Variants in TMEM132B observed in about 807,000 individuals in gnomAD.
The protein encoded by TMEM132B is transmembrane protein 132B.
TMEM132B carries 18 observed loss-of-function variants against 90.8 expected under a neutral mutation model. The observed-to-expected ratio is 0.20, with a 90% CI of 0.14 to 0.29. TMEM132B has a LOEUF of 0.29. TMEM132B is among the 10% of genes least tolerant of loss of function. The pLI is 1.00. For missense variants in TMEM132B, 1,096 were observed against 1,326.8 expected, an observed-to-expected ratio of 0.83 and a Z score of 2.70; for synonymous variants, 504 against 523.3, an observed-to-expected ratio of 0.96 and a Z score of 0.50.
At chr12:125,398,979 T>C (rs1053129290) in intron 2 of TMEM132B, among the ~76,000 whole-genome samples, 5 of 152,202 alleles carry the variant, frequency 3.3e-5, no homozygotes, top group Non-Finnish European at 1.5e-5. Flanking sequence ...GTGGTATGGC[T>C]GAGAGCCCTG....
intron 2 of TMEM132B, among the ~76,000 whole-genome samples, chr12:125,398,428 A>G (rs1345610936): frequency 6.6e-6 from 1 of 152,246 alleles, no homozygotes; most frequent in Non-Finnish European, 1.5e-5. Flanking sequence ...AAGTCTTTTC[A>G]TTTCCTTCTA....
rs10846903 is a variant in TMEM132B at position 125,498,547 on chromosome 12, A to G, written c.1107-20892A>G. On this transcript the variant is annotated intron_variant, in intron 3 of 8. Coordinates refer to ENST00000682704, the MANE Select transcript of TMEM132B (RefSeq NM_001366854.1). The surrounding 1 kb of genome is among the most constrained non-coding windows in gnomAD (Gnocchi z 4.5). ...ATTACATAATAGGACATTGCAGTCC[A>G]TGTGCCACGTCTTGTTAGCCTGTGT... Among the ~76,000 whole-genome samples the G allele has an allele frequency of 6.6e-6, 1 of 151,998 alleles. No homozygotes were observed. The highest frequency in any genetic ancestry group is 2.4e-5 in the African/African-American group (1 of 41,370).
Position 125,544,683 on chromosome 12 carries a change from C to A in TMEM132B, c.1293+25058C>A, listed in dbSNP as rs142632013. ...CTCTATGCCATTTTCTACACCTGTC[C>A]CGCAGTCAATGCAAGATGGCAAGAA... is the stretch of plus-strand genomic sequence containing the variant. On this transcript the variant is annotated intron_variant, in intron 4 of 8. Coordinates refer to ENST00000682704, the MANE Select transcript of TMEM132B (RefSeq NM_001366854.1). 4.0e-3 allele frequency among the ~76,000 whole-genome samples: 612 copies of A among 152,234 alleles called. 5 individuals carry two copies. Among genetic ancestry groups the A allele is most frequent in the African/African-American group, 0.014 (580 of 41,512 alleles).
At position 125,657,368 on chromosome 12, in the gene TMEM132B, T is replaced by TGTGTGTGTGTGTGA. The variant is rs1171554455; in HGVS notation, c.*2659_*2660insTGTGTGTGTGTGAG. 2.0e-5 allele frequency: 3 copies of TGTGTGTGTGTGTGA among 151,272 alleles called. No individual in the cohort carries two copies. The highest frequency in any genetic ancestry group is 7.3e-5 in the African/African-American group (3 of 41,006). The allele number at this position is 151,272 out of a possible 1,614,324, so 9.4% of individuals were successfully genotyped here. On this transcript the variant is annotated 3_prime_UTR_variant, in exon 9 of 9. Transcript: ENST00000682704. ...GTGTGTGTGTGTGTGTGTGTGTGTGTGAATACTGAAGAGCCAGACAACAAA... is the reference window on the plus strand; with the variant it reads ...GTGTGTGTGTGTGTGTGTGTGTGTGTGTGTGTGTGTGTGAGAATACTGAAGAGCCAGACAACAAA...
At chr12:125,308,442 C>T (rs566276872) in intron 1 of TMEM132B, among the ~76,000 whole-genome samples, 1 of 152,148 alleles carries the variant, frequency 6.6e-6, no homozygotes, top group African/African-American at 2.4e-5. Flanking sequence ...ATGAGCAATG[C>T]TTGGCTAATA....
chr12:125,302,232 G>T (rs1403251998), intron 1 of TMEM132B, among the ~76,000 whole-genome samples: 1 of 151,964 alleles, frequency 6.6e-6, no homozygotes, highest in Non-Finnish European at 1.5e-5. Context: ...AGGCATGGTG[G>T]TGCTCTCCTG....
At chr12:125,605,868 A>G (rs572141025) in intron 5 of TMEM132B, among the ~76,000 whole-genome samples, 1 of 152,318 alleles carries the variant, frequency 6.6e-6, no homozygotes, top group Non-Finnish European at 1.5e-5. Context: ...TTTTGTATTG[A>G]GAAGATGAAC....
chr12:125,368,449 T>C (rs775968906), intron 2 of TMEM132B, among the ~76,000 whole-genome samples: 4 of 152,262 alleles, frequency 2.6e-5, no homozygotes, highest in Non-Finnish European at 5.9e-5. Flanking sequence ...ATAAGAATTT[T>C]GTGGGGTGTC....
At position 125,556,877 on chromosome 12, in the gene TMEM132B, C is replaced by G. The variant is rs545269679; in HGVS notation, c.1294-26974C>G. 5.8e-3 allele frequency among the ~76,000 whole-genome samples: 888 copies of G among 152,278 alleles called. 16 individuals are homozygous for G. Among genetic ancestry groups the G allele is most frequent in the African/African-American group, 0.019 (769 of 41,556 alleles). On this transcript the variant is annotated intron_variant, in intron 4 of 8. Transcript: ENST00000682704. ...TCACGCCATTCTCCTGCCTCAGCCT[C>G]CCAAGTAGCTGGGACTACAGGCGCC...
In TMEM132B at chr12:125,583,856, C is replaced by T. The variant is rs375674308; in HGVS notation, c.1299C>T (p.Thr433=). Residue 433 remains threonine, a synonymous_variant, in exon 5 of 9, where the codon ACC becomes ACT. Coordinates refer to ENST00000682704, the MANE Select transcript of TMEM132B (RefSeq NM_001366854.1). ...FVGIVPLAMD[T]EVLNTAILTG... ...CCCTCTCCTCTCCTGTTTAGGACAC[C>T]GAGGTTTTGAACACTGCCATTCTCA... The T allele has an allele frequency of 1.4e-4, 224 of 1,613,956 alleles. 1 individual carries two copies. Among genetic ancestry groups the T allele is most frequent in the East Asian group, 7.1e-4 (32 of 44,880 alleles).
intron 1 of TMEM132B, among the ~76,000 whole-genome samples, chr12:125,297,256 C>T (rs752875264): frequency 2.0e-5 from 3 of 152,172 alleles, no homozygotes; most frequent in Non-Finnish European, 2.9e-5. Flanking sequence ...TCTCATGTCC[C>T]GAGGCAGGCA....
intron 1 of TMEM132B, among the ~76,000 whole-genome samples, chr12:125,343,728 C>T (rs1282425811): frequency 6.6e-6 from 1 of 152,146 alleles, no homozygotes; most frequent in Non-Finnish European, 1.5e-5. Flanking sequence ...GGTGTGTTGG[C>T]CTGTAAATGG....
intron 1 of TMEM132B, among the ~76,000 whole-genome samples, chr12:125,204,830 G>A (rs1419814982): frequency 2.4e-3 from 228 of 94,694 alleles, no homozygotes; most frequent in Middle Eastern, 0.015. Flanking sequence ...CTTTCAATGA[G>A]GGCTCCGTGT....
intron 3 of TMEM132B, among the ~76,000 whole-genome samples, chr12:125,418,837 G>A (rs1025520259): frequency 6.6e-6 from 1 of 152,174 alleles, no homozygotes; most frequent in Non-Finnish European, 1.5e-5. Flanking sequence ...TAATAAAGAT[G>A]AAAACCACAA....
At chr12:125,194,222 G>A (rs1192437183) in intron 1 of TMEM132B, among the ~76,000 whole-genome samples, 1 of 151,882 alleles carries the variant, frequency 6.6e-6, no homozygotes, top group Non-Finnish European at 1.5e-5. Flanking sequence ...ATTACTGAGG[G>A]TGATAGAGTT....
chr12:125,515,283 TTC>T (rs774197921), intron 3 of TMEM132B, among the ~76,000 whole-genome samples: 26 of 150,112 alleles, frequency 1.7e-4, no homozygotes, highest in East Asian at 1.2e-3. Flanking sequence ...CACACACAAA[TTC>T]TCTCACACAC....
At chr12:125,331,607 C>T (rs921544207) in intron 1 of TMEM132B, among the ~76,000 whole-genome samples, 2 of 152,174 alleles carry the variant, frequency 1.3e-5, no homozygotes, top group African/African-American at 2.4e-5. Context: ...GTACAGATGC[C>T]AGGACCCGGC....
chr12:125,297,252 G>GT (rs1565995671), intron 1 of TMEM132B, among the ~76,000 whole-genome samples: 2 of 152,218 alleles, frequency 1.3e-5, no homozygotes, highest in Admixed American at 6.5e-5. Context: ...ATCGTCTCAT[G>GT]TCCCGAGGCA....
At chr12:125,568,410 C>T (rs930226881) in intron 4 of TMEM132B, among the ~76,000 whole-genome samples, 1 of 152,162 alleles carries the variant, frequency 6.6e-6, no homozygotes, top group African/African-American at 2.4e-5. Flanking sequence ...GAGGGGGTCT[C>T]TCCATGAATC....
Sources: gnomAD v4.1 joint callset for allele counts (sites outside exome capture counted in the v4.1 genomes callset) on GRCh38, gnomAD v4.1.1 for gene constraint, Gnocchi (gnomAD v3.1) non-coding constraint, MANE v1.5 for transcripts, NCBI Gene and HGNC (gene_info 2026-07-23, HGNC 2026-07-21) for gene names.